CHD7: variants seen among roughly 807,000 people sequenced by gnomAD.
The protein encoded by CHD7 is chromodomain helicase DNA binding protein 7.
In CHD7, 24 loss-of-function variants were observed where a neutral mutation model predicts 307.3. That is an observed-to-expected ratio of 0.08 (90% CI 0.06 to 0.11). The LOEUF is 0.11. Ranked by LOEUF, CHD7 falls within the 10% of genes least tolerant of loss-of-function variation. CHD7 has a pLI of 1.00. For missense variants in CHD7, 3,106 were observed against 3,727.1 expected (o/e 0.83, Z 4.34); for synonymous variants, 1,363 against 1,349.9 (o/e 1.01, Z -0.21).
At chr8:60,811,192 T>G (rs1405742183) in intron 7 of CHD7, among the ~76,000 whole-genome samples, 1 of 152,158 alleles carries the variant, frequency 6.6e-6, no homozygotes, top group Non-Finnish European at 1.5e-5. Context: ...TTAGTTTTGG[T>G]TTGTATTTGT....
At chr8:60,793,150 G>T (rs1339650686) in intron 3 of CHD7, among the ~76,000 whole-genome samples, 1 of 152,166 alleles carries the variant, frequency 6.6e-6, no homozygotes, top group Non-Finnish European at 1.5e-5. Flanking sequence ...AGTTAGAGCG[G>T]AAATAAATGC....
At chr8:60,682,403 G>A (rs1358366195) in intron 1 of CHD7, among the ~76,000 whole-genome samples, 1 of 152,178 alleles carries the variant, frequency 6.6e-6, no homozygotes, top group Non-Finnish European at 1.5e-5. Context: ...TAAGCAGTTA[G>A]GTCAAAATAA....
chr8:60,828,587 G>A (rs1041126644), intron 13 of CHD7, 76 bp from the exon 14 acceptor site: 8 of 1,362,030 alleles, frequency 5.9e-6, no homozygotes, highest in Admixed American at 2.4e-5. Context: ...AACAATGGGT[G>A]TCTAGTGAGA....
chr8:60,696,810 A>T lies in CHD7; in HGVS notation c.-175+17728A>T, dbSNP rs868252084. Reference sequence around the variant, plus strand: ...TAATTTTCCATAATTTTAACCAGCGATATATCTGAAACAATACTTTCAAAT... The same window carrying T: ...TAATTTTCCATAATTTTAACCAGCGTTATATCTGAAACAATACTTTCAAAT... On this transcript the variant is annotated intron_variant, in intron 1 of 37. Coordinates refer to ENST00000423902, the MANE Select transcript of CHD7 (RefSeq NM_017780.4). Among the ~76,000 whole-genome samples the T allele has an allele frequency of 4.0e-5, 6 of 151,426 alleles. No homozygotes were observed. In the South Asian group the frequency reaches 1.3e-3, roughly 32 times the overall value.
In CHD7 at chr8:60,788,661, G is replaced by A. The variant is rs1003803371; in HGVS notation, c.2097-6325G>A. On this transcript the variant is annotated intron_variant, in intron 3 of 37. Coordinates refer to ENST00000423902, the MANE Select transcript of CHD7 (RefSeq NM_017780.4). ...CTTGGAGTGAAGCATGTGGGTGCCA[G>A]GCCAGACGCCTGAGAACCAAGGGTG... Among the ~76,000 whole-genome samples, 7 of 152,314 alleles carry A rather than the reference G, an allele frequency of 4.6e-5. No homozygotes were observed. In the East Asian group the frequency reaches 1.4e-3, roughly 29 times the overall value.
chr8:60,845,601 C>T (rs534282913), intron 23 of CHD7, among the ~76,000 whole-genome samples, 192 bp downstream of exon 23: 1 of 152,288 alleles, frequency 6.6e-6, no homozygotes, highest in East Asian at 1.9e-4. Context: ...TATGGAGGGA[C>T]AGCTCTGTTA....
Position 60,850,525 on chromosome 8 carries a change from C to T in CHD7, c.5437C>T (p.Pro1813Ser). The T allele has an allele frequency of 6.2e-7, 1 of 1,613,668 alleles. No homozygotes were observed. The highest frequency in any genetic ancestry group is 8.5e-7 in the Non-Finnish European group (1 of 1,179,742). Residue 1813 changes from proline to serine, a missense_variant, in exon 26 of 38, where the codon CCC (proline) becomes TCC (serine). Pro to Ser is a moderately conservative substitution (Grantham distance 74, BLOSUM62 -1). Coordinates refer to ENST00000423902, the MANE Select transcript of CHD7 (RefSeq NM_017780.4). The part of the protein sequence containing the change: ...YEKYNSMRAD[P>S]ALCFLERVGM... Reference sequence around the variant, plus strand: ...GAAGTACAACTCCATGCGAGCTGACCCCGCGCTGTGCTTTCTGGAACGAGT... The same window carrying T: ...GAAGTACAACTCCATGCGAGCTGACTCCGCGCTGTGCTTTCTGGAACGAGT...
intron 2 of CHD7, among the ~76,000 whole-genome samples, chr8:60,756,442 G>A (rs1427593813): frequency 2.0e-5 from 3 of 152,174 alleles, no homozygotes; most frequent in Non-Finnish European, 4.4e-5. Context: ...TGCAAGTATA[G>A]CATCTTGTTT....
At chr8:60,836,391 G>A in intron 16 of CHD7, 108 bp downstream of exon 16, 1 of 824,556 alleles carries the variant, frequency 1.2e-6, no homozygotes, top group Non-Finnish European at 1.9e-6. Flanking sequence ...GCTAGAATGG[G>A]GGAAGTGCAT....
chr8:60,815,779 C>A lies in CHD7; in HGVS notation c.2499-608C>A, dbSNP rs143268112. On this transcript the variant is annotated intron_variant, in intron 7 of 37. Transcript: ENST00000423902. Reference sequence around the variant, plus strand: ...ATAAGAAGCTGGTGAGGGGCATGGCCCAGTGTTCCAGGAGCAGACAGTGGT... The same window carrying A: ...ATAAGAAGCTGGTGAGGGGCATGGCACAGTGTTCCAGGAGCAGACAGTGGT... 2.5e-4 allele frequency among the ~76,000 whole-genome samples: 38 copies of A among 152,208 alleles called. No homozygotes were observed. In the East Asian group the frequency reaches 7.3e-3, roughly 29 times the overall value.
chr8:60,813,357 C>G (rs1812899486), intron 7 of CHD7, among the ~76,000 whole-genome samples: 1 of 152,110 alleles, frequency 6.6e-6, no homozygotes, highest in Non-Finnish European at 1.5e-5. Context: ...ACAGAGATAG[C>G]TTTACTTATT....
chr8:60,808,170 C>G (rs748770712), intron 6 of CHD7, 47 bp from the exon 7 acceptor site: 34 of 1,272,626 alleles, frequency 2.7e-5, no homozygotes, highest in South Asian at 2.5e-4. Context: ...TTAAAATATT[C>G]TAGTAGATGG....
At chr8:60,751,553 G>A (rs575374820) in intron 2 of CHD7, among the ~76,000 whole-genome samples, 1 of 152,322 alleles carries the variant, frequency 6.6e-6, no homozygotes, top group African/African-American at 2.4e-5. Flanking sequence ...TAATCCTTAA[G>A]TAGCCATGCA....
At chr8:60,804,641 T>G (rs543267645) in intron 6 of CHD7, among the ~76,000 whole-genome samples, 39 of 152,284 alleles carry the variant, frequency 2.6e-4, no homozygotes, top group Non-Finnish European at 5.3e-4. Context: ...TTTATTGAGG[T>G]GCTTTTTCAT....
chr8:60,787,916 G>C (rs938975146), intron 3 of CHD7, among the ~76,000 whole-genome samples: 1 of 149,720 alleles, frequency 6.7e-6, no homozygotes, highest in African/African-American at 2.5e-5. Flanking sequence ...GCAACCTCAG[G>C]TTCAAGCGAT....
intron 1 of CHD7, among the ~76,000 whole-genome samples, chr8:60,712,965 C>G (rs537222900): frequency 2.7e-5 from 4 of 148,206 alleles, no homozygotes; most frequent in African/African-American, 1.0e-4. Context: ...ACAGGAGAAT[C>G]GCTTGAACCC....
At chr8:60,705,635 A>G (rs953965977) in intron 1 of CHD7, among the ~76,000 whole-genome samples, 8 of 152,254 alleles carry the variant, frequency 5.3e-5, no homozygotes, top group Non-Finnish European at 5.9e-5. Context: ...TTAGATATCC[A>G]TAAATAAATC....
In CHD7 at chr8:60,845,355, A is replaced by G; in HGVS notation, c.5156A>G (p.Asp1719Gly). ...GACTGGCTGGCCAGCTGCAACCCAG[A>G]TGCCCTGTTCCAGGAGGACAGCTAC... ...DADWLASCNPDALFQEDSYKK... is the reference protein window; with the variant it reads ...DADWLASCNPGALFQEDSYKK... The change falls in exon 23 of 38, where the codon GAT becomes GGT. Residue 1719 changes from aspartate to glycine, a missense_variant. By Grantham distance (94) the Asp-to-Gly change is moderately conservative. Transcript: ENST00000423902. The G allele has an allele frequency of 6.2e-7, 1 of 1,614,024 alleles. No homozygotes were observed.
Position 60,845,304 on chromosome 8 carries a change from G to A in CHD7, c.5105G>A (p.Ser1702Asn), listed in dbSNP as rs370599133. ...AAGGGAAAGAAGGTGAAAGCCCAGA[G>A]CACACAGCCGGTGGTGCAGGATGCC... ...GRKGKKVKAQ[S>N]TQPVVQDADW... The change falls in exon 23 of 38, where the codon AGC becomes AAC. Residue 1702 changes from serine to asparagine, a missense_variant. Ser to Asn is a conservative substitution (Grantham distance 46). This residue lies in a region of CHD7 where 1,030 missense variants were observed against 1,165.4 expected (regional missense o/e 0.88). Coordinates refer to ENST00000423902, the MANE Select transcript of CHD7 (RefSeq NM_017780.4). 14 of 1,613,902 alleles carry A rather than the reference G, an allele frequency of 8.7e-6. No individual in the cohort carries two copies. The African/African-American group carries it at 1.9e-4, about 22-fold the overall frequency.
Sources: allele counts gnomAD v4.1 joint callset (sites outside exome capture counted in the v4.1 genomes callset), GRCh38; gene constraint gnomAD v4.1.1; regional missense constraint gnomAD v4.1.1; transcripts MANE v1.5; gene names NCBI Gene and HGNC (gene_info 2026-07-23, HGNC 2026-07-21).